Variants in PRDM16 observed in about 807,000 individuals in gnomAD.
PRDM16 encodes PR/SET domain 16.
Under a neutral mutation model 110.6 loss-of-function variants are expected in PRDM16, and 23 were observed. The observed-to-expected ratio is 0.21, with a 90% CI of 0.15 to 0.29. PRDM16 has a LOEUF of 0.29. Among genes scored for constraint, PRDM16 ranks in the 10% least tolerant of loss-of-function variants. The pLI is 1.00. For missense variants in PRDM16, 1,615 were observed against 1,794.3 expected, an observed-to-expected ratio of 0.90 and a Z score of 1.81; for synonymous variants, 799 against 781.8, an observed-to-expected ratio of 1.02 and a Z score of -0.37.
At chr1:3,254,955 A>G (rs1286557357) in intron 3 of PRDM16, among the ~76,000 whole-genome samples, 2 of 152,244 alleles carry the variant, frequency 1.3e-5, no homozygotes, top group Non-Finnish European at 2.9e-5. Flanking sequence ...GAACCAAAAC[A>G]GAGATATAGA....
intron 1 of PRDM16, among the ~76,000 whole-genome samples, chr1:3,140,177 G>A (rs535473275): frequency 1.3e-5 from 2 of 152,354 alleles, no homozygotes; most frequent in Admixed American, 1.3e-4. Flanking sequence ...CGCTCCCCCG[G>A]CGGATGCAGC....
rs142010023 is a variant in PRDM16, at chr1:3,233,805, G to A, written c.388-10282G>A. Reference sequence around the variant, plus strand: ...CGATGGTTTCTTGGTGCATTCTTGCGTCTCCAGGCTCATAAAGTTGTCTAC... The same window carrying A: ...CGATGGTTTCTTGGTGCATTCTTGCATCTCCAGGCTCATAAAGTTGTCTAC... On this transcript the variant is annotated intron_variant, in intron 2 of 16. Coordinates refer to ENST00000270722, the MANE Select transcript of PRDM16 (RefSeq NM_022114.4). Among the ~76,000 whole-genome samples the A allele has an allele frequency of 6.8e-3, 1,034 of 151,992 alleles. 12 individuals carry two copies. Among genetic ancestry groups the A allele is most frequent in the African/African-American group, 0.024 (980 of 41,418 alleles).
In PRDM16 at chr1:3,181,481, TACAC is replaced by T. The variant is rs1557509305; in HGVS notation, c.38-4640_38-4637del. 7.0e-5 allele frequency among the ~76,000 whole-genome samples: 3 copies of T among 42,750 alleles called. 1 individual carries two copies. Among genetic ancestry groups the T allele is most frequent in the African/African-American group, 1.1e-4 (2 of 17,722 alleles). The allele number at this position is 42,750 out of a possible 152,430, so 28.0% of individuals were successfully genotyped here. A position where few individuals can be genotyped will look rare whatever the true frequency, so the allele number is the denominator to read the frequency against. ...ACACACGGTCTTACACACGCAGTCTTACACACAGCCTTACGCATGGTCTTACACA... is the reference window on the plus strand; with the variant it reads ...ACACACGGTCTTACACACGCAGTCTTACAGCCTTACGCATGGTCTTACACA... On this transcript the variant is annotated intron_variant, in intron 1 of 16. Transcript: ENST00000270722.
chr1:3,324,408 A>G (rs1641838757), intron 3 of PRDM16, among the ~76,000 whole-genome samples: 1 of 151,872 alleles, frequency 6.6e-6, no homozygotes, highest in African/African-American at 2.4e-5. Flanking sequence ...CTCCCAGACA[A>G]TCTCTCCACA....
intron 1 of PRDM16, among the ~76,000 whole-genome samples, chr1:3,158,807 T>A (rs1643877490): frequency 3.3e-5 from 5 of 151,150 alleles, no homozygotes; most frequent in Admixed American, 3.3e-4. Flanking sequence ...AGAGTCTTGT[T>A]CTGTTGCCCA....
At chr1:3,301,084 A>G (rs1641197963) in intron 3 of PRDM16, among the ~76,000 whole-genome samples, 1 of 152,124 alleles carries the variant, frequency 6.6e-6, no homozygotes, top group Non-Finnish European at 1.5e-5. Context: ...TAATCCCAAC[A>G]CTTTGGGAGG....
rs540440629 is a variant in PRDM16, at chr1:3,343,036, T to C, written c.439-42116T>C. Among the ~76,000 whole-genome samples the C allele has an allele frequency of 3.3e-5, 5 of 152,218 alleles. No homozygotes were observed. The South Asian group carries it at 1.0e-3, about 32-fold the overall frequency. Reference sequence around the variant, plus strand: ...ATTGTCCAGGAGTAAAATTGTTCACTAGTAGGATACATGAATGTCTACATT... The same window carrying C: ...ATTGTCCAGGAGTAAAATTGTTCACCAGTAGGATACATGAATGTCTACATT... On this transcript the variant is annotated intron_variant, in intron 3 of 16. Coordinates refer to ENST00000270722, the MANE Select transcript of PRDM16 (RefSeq NM_022114.4).
intron 2 of PRDM16, among the ~76,000 whole-genome samples, chr1:3,200,373 T>C (rs1265929313): frequency 3.3e-5 from 5 of 152,150 alleles, no homozygotes; most frequent in Non-Finnish European, 7.4e-5. Context: ...GATGGAGTCT[T>C]GCTCTGCTGC....
chr1:3,226,825 G>A (rs1049908354), intron 2 of PRDM16, among the ~76,000 whole-genome samples: 3 of 152,116 alleles, frequency 2.0e-5, no homozygotes, highest in South Asian at 2.1e-4. Flanking sequence ...GAACGGTGTC[G>A]GCTAATCTCC....
In PRDM16 at chr1:3,175,325, T is replaced by C. The variant is rs1449517694; in HGVS notation, c.38-10800T>C. On this transcript the variant is annotated intron_variant, in intron 1 of 16. Transcript: ENST00000270722. The surrounding 1 kb of genome is among the most constrained non-coding windows in gnomAD (Gnocchi z 4.8). Reference sequence around the variant, plus strand: ...AGGGTATACTCGGCAGAGATGTAGGTGTACAGAATCCTCTGTGAGGAATGG... The same window carrying C: ...AGGGTATACTCGGCAGAGATGTAGGCGTACAGAATCCTCTGTGAGGAATGG... Among the ~76,000 whole-genome samples the C allele has an allele frequency of 6.6e-6, 1 of 152,104 alleles. No individual in the cohort carries two copies. Among genetic ancestry groups the C allele is most frequent in the East Asian group, 1.9e-4 (1 of 5,196 alleles).
At chr1:3,288,756 GA>G (rs1191696361) in intron 3 of PRDM16, among the ~76,000 whole-genome samples, 1 of 152,160 alleles carries the variant, frequency 6.6e-6, no homozygotes, top group African/African-American at 2.4e-5. Flanking sequence ...AAGAAGGGCA[GA>G]GGGGCAGCCA....
In PRDM16 at chr1:3,265,396, G is replaced by C. The variant is rs1640263441; in HGVS notation, c.438+21259G>C. 6.6e-6 allele frequency among the ~76,000 whole-genome samples: 1 copy of C among 152,026 alleles called. No individual in the cohort carries two copies. The highest frequency in any genetic ancestry group is 1.5e-5 in the Non-Finnish European group (1 of 67,988). ...GGGGAGGCCTGACGGGCCTGAGACT[G>C]ATGATGTGAAGGGCCTAGTAGGGGC... is the stretch of plus-strand genomic sequence containing the variant. On this transcript the variant is annotated intron_variant, in intron 3 of 16. Coordinates refer to ENST00000270722, the MANE Select transcript of PRDM16 (RefSeq NM_022114.4). The surrounding 1 kb of genome is among the most constrained non-coding windows in gnomAD (Gnocchi z 4.5).
chr1:3,116,271 G>A (rs1286589549), intron 1 of PRDM16, among the ~76,000 whole-genome samples: 2 of 152,162 alleles, frequency 1.3e-5, no homozygotes, highest in African/African-American at 2.4e-5. Flanking sequence ...TGGGGGGACA[G>A]TAGGCAGAGC....
At chr1:3,402,052 C>A (rs938367806) in intron 5 of PRDM16, among the ~76,000 whole-genome samples, 1 of 152,264 alleles carries the variant, frequency 6.6e-6, no homozygotes, top group African/African-American at 2.4e-5. Context: ...TTCACACTTA[C>A]GTGTGCATAC....
intron 1 of PRDM16, among the ~76,000 whole-genome samples, chr1:3,153,058 C>A (rs2100727150): frequency 6.6e-6 from 1 of 152,354 alleles, no homozygotes; most frequent in Non-Finnish European, 1.5e-5. Flanking sequence ...CCAGCCAGGC[C>A]AGAGCCAGCT....
intron 5 of PRDM16, 97 bp from the exon 6 acceptor site, chr1:3,402,694 A>T: frequency 9.3e-7 from 1 of 1,071,286 alleles, no homozygotes; most frequent in Non-Finnish European, 1.4e-6. Flanking sequence ...GCAGGCCCTG[A>T]GGCACCGTGG....
chr1:3,414,512 G>T, intron 9 of PRDM16, 48 bp from the exon 10 acceptor site: 1 of 1,463,880 alleles, frequency 6.8e-7, no homozygotes. Context: ...GTGGCTCGGC[G>T]GGGCGGGCGG....
In PRDM16 at chr1:3,114,623, T is replaced by C. The variant is rs558488770; in HGVS notation, c.37+45327T>C. Among the ~76,000 whole-genome samples the C allele has an allele frequency of 2.7e-3, 377 of 142,220 alleles. 1 individual carries two copies. Among genetic ancestry groups the C allele is most frequent in the African/African-American group, 9.4e-3 (360 of 38,448 alleles). The allele number at this position is 142,220 out of a possible 152,430, so 93.3% of individuals were successfully genotyped here. ...ACATGCACACACGTGCATACACACA[T>C]GAACACACACATATGTGCAAGCACA... On this transcript the variant is annotated intron_variant, in intron 1 of 16. Coordinates refer to ENST00000270722, the MANE Select transcript of PRDM16 (RefSeq NM_022114.4).
intron 3 of PRDM16, among the ~76,000 whole-genome samples, chr1:3,329,816 G>T (rs1437171701): frequency 6.6e-6 from 1 of 152,262 alleles, no homozygotes; most frequent in Non-Finnish European, 1.5e-5. Flanking sequence ...CCACCCACTG[G>T]TTATGGTGGG....
Sources: allele counts gnomAD v4.1 joint callset (sites outside exome capture counted in the v4.1 genomes callset), GRCh38; gene constraint gnomAD v4.1.1; non-coding constraint Gnocchi (gnomAD v3.1); transcripts MANE v1.5; gene names NCBI Gene and HGNC (gene_info 2026-07-23, HGNC 2026-07-21).